Variants in LDLRAD4 observed in about 807,000 individuals in gnomAD.
LDLRAD4 encodes the protein low density lipoprotein receptor class A domain containing 4, also known as low-density lipoprotein receptor class A domain-containing protein 4.
In LDLRAD4, 5 loss-of-function variants were observed where a neutral mutation model predicts 17.0. The observed-to-expected ratio is 0.29, with a 90% CI of 0.15 to 0.62. The LOEUF is 0.62. Ranked by LOEUF, LDLRAD4 falls within the 20% of genes least tolerant of loss-of-function variation. The pLI is 0.84. For synonymous variants in LDLRAD4, 168 were observed against 171.8 expected (o/e 0.98, Z 0.17); for missense variants, 340 against 424.7 (o/e 0.80, Z 1.75).
intron 3 of LDLRAD4, among the ~76,000 whole-genome samples, chr18:13,500,323 C>T (rs776791708): frequency 6.6e-6 from 1 of 152,254 alleles, no homozygotes; most frequent in African/African-American, 2.4e-5. Flanking sequence ...AGCGCCTCCT[C>T]TGCCCGTGGG....
intron 1 of LDLRAD4, among the ~76,000 whole-genome samples, chr18:13,231,683 A>G (rs1215502709): frequency 4.6e-5 from 7 of 152,246 alleles, no homozygotes; most frequent in Non-Finnish European, 2.9e-5. Flanking sequence ...TCACTTTCGC[A>G]TGGGAATAAT....
chr18:13,365,330 A>C lies in LDLRAD4; in HGVS notation c.-382-22011A>C, dbSNP rs557933415. On this transcript the variant is annotated intron_variant, in intron 1 of 5. Transcript: ENST00000359446. ...CTGTCTTCTCGCAGAGATGCTGGGA[A>C]AACTTGGCTTCCCTCATGTGTATTC... Among the ~76,000 whole-genome samples, 12 of 152,340 alleles carry C rather than the reference A, an allele frequency of 7.9e-5. No individual in the cohort carries two copies. The South Asian group carries it at 2.3e-3, about 29-fold the overall frequency.
chr18:13,631,208 G>A (rs1277187568), intron 4 of LDLRAD4, among the ~76,000 whole-genome samples: 1 of 152,196 alleles, frequency 6.6e-6, no homozygotes, highest in Non-Finnish European at 1.5e-5. Context: ...ATACAGAAAT[G>A]AAAAGGATTA....
intron 3 of LDLRAD4, among the ~76,000 whole-genome samples, chr18:13,451,101 C>G (rs775375758): frequency 6.6e-6 from 1 of 152,172 alleles, no homozygotes; most frequent in Non-Finnish European, 1.5e-5. Context: ...GAAACTGAAG[C>G]CTGAGATTAC....
chr18:13,591,346 C>T (rs2095025052), intron 3 of LDLRAD4, among the ~76,000 whole-genome samples: 1 of 151,964 alleles, frequency 6.6e-6, no homozygotes, highest in Non-Finnish European at 1.5e-5. Flanking sequence ...ATTAAGTCTA[C>T]ATTTGATTTT....
chr18:13,454,709 C>T (rs2092029616), intron 3 of LDLRAD4, among the ~76,000 whole-genome samples: 1 of 152,202 alleles, frequency 6.6e-6, no homozygotes, highest in Non-Finnish European at 1.5e-5. Flanking sequence ...CAGGTCTGGG[C>T]ACAGGCACAG....
chr18:13,565,928 G>T (rs755417490), intron 3 of LDLRAD4, among the ~76,000 whole-genome samples: 1 of 152,226 alleles, frequency 6.6e-6, no homozygotes, highest in Non-Finnish European at 1.5e-5. Flanking sequence ...TGACGATGAT[G>T]TCCCATGTGG....
At chr18:13,380,078 G>T (rs543132733) in intron 1 of LDLRAD4, among the ~76,000 whole-genome samples, 2 of 152,328 alleles carry the variant, frequency 1.3e-5, no homozygotes, top group South Asian at 2.1e-4. Context: ...GTTGGGAGGG[G>T]CATTGCCGCT....
chr18:13,602,863 T>A (rs2095180041), intron 3 of LDLRAD4, among the ~76,000 whole-genome samples: 1 of 152,082 alleles, frequency 6.6e-6, no homozygotes, highest in Non-Finnish European at 1.5e-5. Flanking sequence ...AACTAAGCAA[T>A]CCCTCCAGGC....
chr18:13,410,792 A>T (rs2088263147), intron 2 of LDLRAD4, among the ~76,000 whole-genome samples: 2 of 152,338 alleles, frequency 1.3e-5, no homozygotes, highest in South Asian at 4.1e-4. Flanking sequence ...CTCTGTTTGT[A>T]AAAGGCTAGC....
chr18:13,640,188 T>G (rs4514751), intron 4 of LDLRAD4, among the ~76,000 whole-genome samples: 6,710 of 149,696 alleles, frequency 0.045, 483 homozygotes, highest in African/African-American at 0.15. Context: ...ATCTACTCGG[T>G]AGGCTGAGGC....
chr18:13,271,432 C>T (rs2044533794), intron 1 of LDLRAD4, among the ~76,000 whole-genome samples: 1 of 152,164 alleles, frequency 6.6e-6, no homozygotes, highest in African/African-American at 2.4e-5. Context: ...TGGGGGGCTT[C>T]CAGCGCACTT....
At chr18:13,450,821 G>T (rs1447885998) in intron 3 of LDLRAD4, among the ~76,000 whole-genome samples, 1 of 152,198 alleles carries the variant, frequency 6.6e-6, no homozygotes, top group African/African-American at 2.4e-5. Context: ...TCTTCAGGGG[G>T]AGTGTCGTGG....
chr18:13,295,576 G>A (rs1207091651), intron 1 of LDLRAD4, among the ~76,000 whole-genome samples: 1 of 152,192 alleles, frequency 6.6e-6, no homozygotes, highest in African/African-American at 2.4e-5. Flanking sequence ...GAAGCAGAAT[G>A]TGTTTTAAAG....
intron 1 of LDLRAD4, among the ~76,000 whole-genome samples, chr18:13,316,954 C>T (rs76460744): frequency 0.018 from 2,758 of 152,238 alleles, 48 homozygotes; most frequent in Non-Finnish European, 0.03. Context: ...TAAAATGCAA[C>T]TGAACTAAAT....
chr18:13,465,561 C>T (rs75565497), intron 3 of LDLRAD4, among the ~76,000 whole-genome samples: 1 of 152,184 alleles, frequency 6.6e-6, no homozygotes, highest in Non-Finnish European at 1.5e-5. Flanking sequence ...ATGGAGTCTA[C>T]GACCTTGCCC....
At chr18:13,303,144 C>CA (rs941405477) in intron 1 of LDLRAD4, among the ~76,000 whole-genome samples, 35 of 152,382 alleles carry the variant, frequency 2.3e-4, no homozygotes, top group Non-Finnish European at 4.7e-4. Context: ...GAGTGCACCC[C>CA]TGCAGGGCAC....
chr18:13,620,047 C>T (rs1568416400), intron 3 of LDLRAD4, among the ~76,000 whole-genome samples: 2 of 152,036 alleles, frequency 1.3e-5, no homozygotes, highest in Non-Finnish European at 1.5e-5. Context: ...CAGAGAACCC[C>T]TCGTCCAGCC....
At chr18:13,615,289 G>A (rs1304380659) in intron 3 of LDLRAD4, 1 of 152,214 alleles carries the variant, frequency 6.6e-6, no homozygotes, top group East Asian at 1.9e-4. Flanking sequence ...CCTGACCCAT[G>A]ATAGGGTCTT....
Sources: allele counts gnomAD v4.1 joint callset (sites outside exome capture counted in the v4.1 genomes callset), GRCh38; gene constraint gnomAD v4.1.1; transcripts MANE v1.5; gene names NCBI Gene and HGNC (gene_info 2026-07-23, HGNC 2026-07-21).